Variants in ACACB observed in about 807,000 individuals in gnomAD.
The protein encoded by ACACB is acetyl-CoA carboxylase 2.
ACACB carries 209 observed loss-of-function variants against 278.8 expected under a neutral mutation model. That is an observed-to-expected ratio of 0.75 (90% CI 0.67 to 0.84). The LOEUF is 0.84. ACACB is among the 40% of genes least tolerant of loss of function. ACACB has a pLI of 0.00. For missense variants in ACACB, 2,850 were observed against 3,269.0 expected (o/e 0.87, Z 3.13); for synonymous variants, 1,174 against 1,285.6 (o/e 0.91, Z 1.86).
At chr12:109,156,336 C>T (rs2043534628) in intron 2 of ACACB, among the ~76,000 whole-genome samples, 1 of 152,054 alleles carries the variant, frequency 6.6e-6, no homozygotes, top group Non-Finnish European at 1.5e-5. Flanking sequence ...TCGAGACCAG[C>T]TTGGGCAACA....
intron 21 of ACACB, 58 bp downstream of exon 21, chr12:109,209,411 C>T (rs1300263749): frequency 1.2e-5 from 18 of 1,518,456 alleles, no homozygotes; most frequent in African/African-American, 5.4e-5. Flanking sequence ...GGCCGGCTCC[C>T]GGTCTGGCTC....
In ACACB at chr12:109,259,150, C is replaced by A. The variant is rs776315253; in HGVS notation, c.6496+42C>A. The A allele has an allele frequency of 1.1e-5, 18 of 1,606,848 alleles. No individual in the cohort carries two copies. In the South Asian group the frequency reaches 1.9e-4, roughly 17 times the overall value. On this transcript the variant is annotated intron_variant, in intron 47 of 52. Transcript: ENST00000338432. ...CTATGTTACCCCAAAGCCTTGGGGTCAGCACCCAGGACAGCACCCTCTGGG... is the reference window on the plus strand; with the variant it reads ...CTATGTTACCCCAAAGCCTTGGGGTAAGCACCCAGGACAGCACCCTCTGGG...
intron 7 of ACACB, 77 bp from the exon 8 acceptor site, chr12:109,175,854 G>T (rs2044266122): frequency 7.9e-7 from 1 of 1,261,540 alleles, no homozygotes; most frequent in Admixed American, 1.8e-5. Context: ...TGTCAGCAGG[G>T]AGAGGCGCTG....
chr12:109,187,094 G>A (rs2044688996), intron 12 of ACACB, among the ~76,000 whole-genome samples: 1 of 151,826 alleles, frequency 6.6e-6, no homozygotes. Flanking sequence ...GAAGGGGTAG[G>A]AAAGGAAGGA....
rs747039564 is a variant in ACACB, at chr12:109,216,693, C to T, written c.3426C>T (p.His1142=). ...TGAGAAGATACTTGCGTGTTGAGCA[C>T]CATTTTCAGCAAGGCAAGAGATGCT... ...DLLRRYLRVE[H]HFQQAHYDKC... The change falls in exon 23 of 53, where the codon CAC becomes CAT. Residue 1142 remains histidine, a synonymous_variant. Coordinates refer to ENST00000338432, the MANE Select transcript of ACACB (RefSeq NM_001093.4). The T allele has an allele frequency of 1.2e-6, 2 of 1,614,200 alleles. No homozygotes were observed. Among genetic ancestry groups the T allele is most frequent in the South Asian group, 2.2e-5 (2 of 91,084 alleles).
intron 5 of ACACB, 107 bp downstream of exon 5, chr12:109,172,021 A>T: frequency 1.0e-6 from 1 of 952,432 alleles, no homozygotes; most frequent in Admixed American, 2.3e-5. Context: ...AGATCCCACA[A>T]GGCTCCAAAT....
chr12:109,186,754 A>G (rs567862080), intron 12 of ACACB, among the ~76,000 whole-genome samples: 19 of 152,184 alleles, frequency 1.2e-4, no homozygotes, highest in African/African-American at 4.6e-4. Flanking sequence ...CTTGGCTGTG[A>G]ACCAAACACC....
chr12:109,147,825 A>G (rs2043280421), intron 2 of ACACB, among the ~76,000 whole-genome samples: 4 of 152,172 alleles, frequency 2.6e-5, no homozygotes, highest in Admixed American at 2.6e-4. Context: ...TGGATGAATG[A>G]ATGGATGAAT....
intron 36 of ACACB, 200 bp from the exon 37 acceptor site, chr12:109,242,237 A>G (rs2046819659): frequency 1.1e-5 from 6 of 557,386 alleles, no homozygotes; most frequent in Non-Finnish European, 1.9e-5. Context: ...TGCATTCCAC[A>G]GCCCCTGTTG....
rs1388349492 is a variant in ACACB at position 109,244,925 on chromosome 12, C to T, written c.5179-701C>T. 2.6e-5 allele frequency among the ~76,000 whole-genome samples: 4 copies of T among 152,056 alleles called. No homozygotes were observed. In the East Asian group the frequency reaches 7.7e-4, roughly 29 times the overall value. On this transcript the variant is annotated intron_variant, in intron 37 of 52. Transcript: ENST00000338432. Reference sequence around the variant, plus strand: ...GTAGAAAAAGTAATTTGCTGCCGGGCGTGGTGGCTCACGCCTGTAATCCCA... The same window carrying T: ...GTAGAAAAAGTAATTTGCTGCCGGGTGTGGTGGCTCACGCCTGTAATCCCA...
intron 34 of ACACB, among the ~76,000 whole-genome samples, chr12:109,237,691 C>T (rs896387798): frequency 6.6e-6 from 1 of 152,044 alleles, no homozygotes; most frequent in Non-Finnish European, 1.5e-5. Context: ...ACTGAGTGAT[C>T]GTTTTCCATT....
intron 24 of ACACB, among the ~76,000 whole-genome samples, chr12:109,217,852 G>A (rs745317005): frequency 3.9e-5 from 6 of 152,160 alleles, no homozygotes; most frequent in Non-Finnish European, 7.4e-5. Flanking sequence ...GCAATGAGTC[G>A]GGTTTGTTGG....
At chr12:109,187,928 G>A (rs2044720140) in intron 12 of ACACB, 71 bp from the exon 13 acceptor site, 11 of 1,536,126 alleles carry the variant, frequency 7.2e-6, no homozygotes, top group African/African-American at 1.4e-5. Context: ...GTTTTCCCAG[G>A]ACTGAATTCT....
rs752524224 is a variant in ACACB at position 109,260,595 on chromosome 12, G to A, written c.6612G>A (p.Trp2204Ter). ...PPYAELRGGS[W>*]VVIDATINPL... ...ATGCGGAGCTCCGGGGAGGCTCCTG[G>A]GTGGTCATAGATGCCACCATCAACC... The change falls in exon 48 of 53, where the codon TGG (tryptophan) becomes TGA (stop). Residue 2204 changes from tryptophan to a stop codon, truncating the protein, a stop_gained. Coordinates refer to ENST00000338432, the MANE Select transcript of ACACB (RefSeq NM_001093.4). LOFTEE classifies it high-confidence loss of function. 4 of 1,611,632 alleles carry A rather than the reference G, an allele frequency of 2.5e-6. No homozygotes were observed. The highest frequency in any genetic ancestry group is 2.7e-5 in the African/African-American group (2 of 74,750).
At chr12:109,174,972 C>A (rs373212678) in intron 7 of ACACB, among the ~76,000 whole-genome samples, 1 of 152,072 alleles carries the variant, frequency 6.6e-6, no homozygotes, top group Non-Finnish European at 1.5e-5. Context: ...ATTTAAGATG[C>A]CTGCATAGGA....
intron 27 of ACACB, among the ~76,000 whole-genome samples, chr12:109,224,324 G>T (rs939064300): frequency 6.6e-6 from 1 of 151,686 alleles, no homozygotes; most frequent in Non-Finnish European, 1.5e-5. Flanking sequence ...GGAACTGCCA[G>T]AGCTAGAGGA....
At position 109,171,752 on chromosome 12, in the gene ACACB, A is replaced by G. The variant is rs2136186158; in HGVS notation, c.926-53A>G. ...TAGTCACATCTTGTAATGTTCTGCC[A>G]TTGATGTCAGTCTGTCAGCAGTTCC... On this transcript the variant is annotated intron_variant, in intron 4 of 52. Coordinates refer to ENST00000338432, the MANE Select transcript of ACACB (RefSeq NM_001093.4). 4 of 1,373,508 alleles carry G rather than the reference A, an allele frequency of 2.9e-6. No individual in the cohort carries two copies. In the South Asian group the frequency reaches 3.6e-5, roughly 12 times the overall value. The allele number at this position is 1,373,508 out of a possible 1,614,324, so 85.1% of individuals were successfully genotyped here. A position where few individuals can be genotyped will look rare whatever the true frequency, so the allele number is the denominator to read the frequency against.
In ACACB at chr12:109,264,233, G is replaced by T; in HGVS notation, c.6789G>T (p.Gly2263=). The T allele has an allele frequency of 1.2e-6, 2 of 1,614,042 alleles. No individual in the cohort carries two copies. Among genetic ancestry groups the T allele is most frequent in the Non-Finnish European group, 1.7e-6 (2 of 1,179,944 alleles). Residue 2263 remains glycine, a splice_region_variant and synonymous_variant, in exon 50 of 53, where the codon GGG becomes GGT. Coordinates refer to ENST00000338432, the MANE Select transcript of ACACB (RefSeq NM_001093.4). ...ACTGGCCTTTCTGCTCACCTGCAGG[G>T]GAACCTGATCTCTCCGACAAGGACC... ...PAYKKLMEQL[G]EPDLSDKDRK...
At chr12:109,250,177 A>G (rs1381597977) in intron 41 of ACACB, 73 bp downstream of exon 41, 1 of 1,446,386 alleles carries the variant, frequency 6.9e-7, no homozygotes, top group African/African-American at 1.4e-5. Flanking sequence ...ACAAAATTAG[A>G]GAGAATCAAT....
Sources: allele counts gnomAD v4.1 joint callset (sites outside exome capture counted in the v4.1 genomes callset), GRCh38; gene constraint gnomAD v4.1.1; transcripts MANE v1.5; gene names NCBI Gene and HGNC (gene_info 2026-07-23, HGNC 2026-07-21).